PDCD10: variants seen among roughly 807,000 people sequenced by gnomAD.
PDCD10 encodes the protein programmed cell death protein 10.
Under a neutral mutation model 29.2 loss-of-function variants are expected in PDCD10, and 4 were observed. The observed-to-expected ratio is 0.14, with a 90% CI of 0.07 to 0.31. The LOEUF (loss-of-function observed/expected upper bound fraction) is 0.31, where lower values mean the gene tolerates loss of function less well. Ranked by LOEUF, PDCD10 falls within the 10% of genes least tolerant of loss-of-function variation. The pLI is 1.00. For missense variants in PDCD10, 183 were observed against 257.9 expected, an observed-to-expected ratio of 0.71 and a Z score of 1.99; for synonymous variants, 70 against 82.2, an observed-to-expected ratio of 0.85 and a Z score of 0.80.
chr3:167,691,287 A>G (rs180938894), intron 6 of PDCD10, among the ~76,000 whole-genome samples: 37 of 152,348 alleles, frequency 2.4e-4, no homozygotes, highest in Non-Finnish European at 4.3e-4. Flanking sequence ...AATAACATAC[A>G]TATCAACAAA....
intron 6 of PDCD10, among the ~76,000 whole-genome samples, chr3:167,695,151 C>T (rs1345200277): frequency 6.6e-6 from 1 of 152,216 alleles, no homozygotes; most frequent in Non-Finnish European, 1.5e-5. Context: ...TCTTATTTAA[C>T]CTATATCCCC....
intron 2 of PDCD10, among the ~76,000 whole-genome samples, chr3:167,725,782 TATATATATA>T (rs1559978717): frequency 9.6e-6 from 1 of 103,888 alleles, no homozygotes; most frequent in Non-Finnish European, 1.8e-5. Flanking sequence ...TATATATATA[TATATATATA>T]TATATATATA....
chr3:167,720,869 T>C (rs1251878581), intron 2 of PDCD10, among the ~76,000 whole-genome samples: 2 of 152,100 alleles, frequency 1.3e-5, no homozygotes, highest in African/African-American at 4.8e-5. Flanking sequence ...GTAAAATACT[T>C]GCTACTTAAT....
chr3:167,705,328 G>C (rs184694893), intron 3 of PDCD10, among the ~76,000 whole-genome samples: 25 of 152,138 alleles, frequency 1.6e-4, no homozygotes, highest in Non-Finnish European at 2.6e-4. Flanking sequence ...GATTGAGCTA[G>C]TTAACTCAAT....
chr3:167,710,434 T>A (rs1450755550), intron 3 of PDCD10, among the ~76,000 whole-genome samples: 1 of 152,080 alleles, frequency 6.6e-6, no homozygotes, highest in African/African-American at 2.4e-5. Context: ...GAACTCCCCA[T>A]GTGCCAGTGA....
Position 167,688,289 on chromosome 3 carries a change from A to G in PDCD10, c.396-596T>C, listed in dbSNP as rs538814680. ...TCTTTTACAGACACTTTTAGCTTCT[A>G]TCTAGCAGCCAAATATCCTCCTCTT... On this transcript the variant is annotated intron_variant, in intron 6 of 8. Coordinates refer to ENST00000392750, the MANE Select transcript of PDCD10 (RefSeq NM_007217.4). Among the ~76,000 whole-genome samples, 28 of 152,288 alleles carry G rather than the reference A, an allele frequency of 1.8e-4. No individual in the cohort carries two copies. The South Asian group carries it at 5.6e-3, about 30-fold the overall frequency.
intron 4 of PDCD10, chr3:167,698,026 A>G (rs1473411259): frequency 2.2e-6 from 1 of 456,114 alleles, no homozygotes; most frequent in Admixed American, 2.4e-5. Context: ...TCTTAATCAG[A>G]TGGCAATCTT....
chr3:167,684,013 A>G lies in PDCD10; in HGVS notation c.*295T>C. On this transcript the variant is annotated 3_prime_UTR_variant, in exon 9 of 9. Transcript: ENST00000392750. ...TAAAATGTCAGAAACAAACACCAAT[A>G]TTTACAATTCTTTTAAGGAATGTTA... 1 of 272,774 alleles carries G rather than the reference A, an allele frequency of 3.7e-6. No individual in the cohort carries two copies. The highest frequency in any genetic ancestry group is 7.2e-6 in the Non-Finnish European group (1 of 138,702). The allele number at this position is 272,774 out of a possible 1,614,324, so 16.9% of individuals were successfully genotyped here. A position where few individuals can be genotyped will look rare whatever the true frequency, so the allele number is the denominator to read the frequency against.
rs1413355381 is a variant in PDCD10, at chr3:167,697,872, G to C, written c.151-746C>G. The stretch of plus-strand genomic sequence containing the variant: ...TTACCAAAGCCAGAGTTAATCTTCA[G>C]ATTTCAGTTTTTCCCAGTAAATTCT... On this transcript the variant is annotated intron_variant, in intron 4 of 8. Coordinates refer to ENST00000392750, the MANE Select transcript of PDCD10 (RefSeq NM_007217.4). 25 of 454,864 alleles carry C rather than the reference G, an allele frequency of 5.5e-5. 1 individual carries two copies. The highest frequency in any genetic ancestry group is 3.9e-4 in the South Asian group (25 of 64,332). 28.2% of individuals were successfully genotyped at this position (454,864 alleles called of 1,614,324 possible). A position where few individuals can be genotyped will look rare whatever the true frequency, so the allele number is the denominator to read the frequency against.
chr3:167,692,442 G>T (rs1720348738), intron 6 of PDCD10, among the ~76,000 whole-genome samples: 1 of 152,156 alleles, frequency 6.6e-6, no homozygotes, highest in South Asian at 2.1e-4. Context: ...TCCACTTATG[G>T]TGTCATGTCA....
intron 2 of PDCD10, among the ~76,000 whole-genome samples, chr3:167,731,682 G>A (rs1268815216): frequency 6.6e-6 from 1 of 152,194 alleles, no homozygotes; most frequent in Non-Finnish European, 1.5e-5. Context: ...TGACAAATGA[G>A]AGGGCCCTGC....
chr3:167,726,460 T>A (rs956842820), intron 2 of PDCD10, among the ~76,000 whole-genome samples: 1 of 152,082 alleles, frequency 6.6e-6, no homozygotes, highest in Non-Finnish European at 1.5e-5. Flanking sequence ...TTTCTACACA[T>A]AGATAGACAG....
intron 3 of PDCD10, among the ~76,000 whole-genome samples, chr3:167,710,079 G>C (rs983571014): frequency 3.3e-5 from 5 of 152,138 alleles, no homozygotes; most frequent in African/African-American, 1.2e-4. Context: ...ATAAACAACA[G>C]CGATACCCAG....
chr3:167,718,071 T>C (rs1233101457), intron 3 of PDCD10, among the ~76,000 whole-genome samples: 2 of 151,602 alleles, frequency 1.3e-5, no homozygotes, highest in Non-Finnish European at 2.9e-5. Flanking sequence ...AAAGAAAGAG[T>C]GTCTCTGGGT....
rs765428082 is a variant in PDCD10, at chr3:167,684,267, A to G, written c.*41T>C. The G allele has an allele frequency of 2.5e-5, 27 of 1,080,412 alleles. No homozygotes were observed. Among genetic ancestry groups the G allele is most frequent in the African/African-American group, 6.2e-5 (4 of 64,758 alleles). 66.9% of individuals were successfully genotyped at this position (1,080,412 alleles called of 1,614,324 possible). A position where few individuals can be genotyped will look rare whatever the true frequency, so the allele number is the denominator to read the frequency against. ...AAAATTTACAGATAAAGGCAGTTCA[A>G]TACTGCCACTGAGAAGTACATCTCT... On this transcript the variant is annotated 3_prime_UTR_variant, in exon 9 of 9. Coordinates refer to ENST00000392750, the MANE Select transcript of PDCD10 (RefSeq NM_007217.4).
chr3:167,687,797 A>T lies in PDCD10; in HGVS notation c.396-104T>A, dbSNP rs1241700642. On this transcript the variant is annotated intron_variant, in intron 6 of 8. Transcript: ENST00000392750. ...AGAAATTAAGTACACTCTTAATCTA[A>T]TCACAGTACACTCTTAATTATGTTA... 7 of 704,214 alleles carry T rather than the reference A, an allele frequency of 9.9e-6. No homozygotes were observed. In the Admixed American group the frequency reaches 1.4e-4, roughly 14 times the overall value. The allele number at this position is 704,214 out of a possible 1,614,324, so 43.6% of individuals were successfully genotyped here.
chr3:167,716,535 A>G (rs1375445112), intron 3 of PDCD10, among the ~76,000 whole-genome samples: 9 of 151,818 alleles, frequency 5.9e-5, no homozygotes, highest in Non-Finnish European at 8.8e-5. Flanking sequence ...AAATACATAC[A>G]CCTACTATGT....
intron 3 of PDCD10, among the ~76,000 whole-genome samples, chr3:167,717,443 G>A (rs1723134400): frequency 6.6e-6 from 1 of 152,018 alleles, no homozygotes; most frequent in African/African-American, 2.4e-5. Context: ...CAATTTTGCA[G>A]ATTAATTTGA....
At chr3:167,709,583 T>C (rs559028106) in intron 3 of PDCD10, among the ~76,000 whole-genome samples, 90 of 152,216 alleles carry the variant, frequency 5.9e-4, no homozygotes, top group African/African-American at 2.0e-3. Flanking sequence ...ATCCAAGAGG[T>C]TGGAAATTGA....
Sources: gnomAD v4.1 joint callset for allele counts (sites outside exome capture counted in the v4.1 genomes callset) on GRCh38, gnomAD v4.1.1 for gene constraint, MANE v1.5 for transcripts, NCBI Gene and HGNC (gene_info 2026-07-23, HGNC 2026-07-21) for gene names.